STON1: variants seen among roughly 807,000 people sequenced by gnomAD.
STON1 encodes stonin-1.
STON1 carries 79 observed loss-of-function variants against 60.9 expected under a neutral mutation model. The observed-to-expected ratio is 1.30, with a 90% CI of 1.08 to 1.56. STON1 has a LOEUF of 1.56. Among genes scored for constraint, STON1 ranks in the 40% most tolerant of loss-of-function variants. The pLI is 0.00. For synonymous variants in STON1, 363 were observed against 306.9 expected (o/e 1.18, Z -1.91); for missense variants, 1,166 against 858.9 (o/e 1.36, Z -4.47).
intron 1 of STON1, among the ~76,000 whole-genome samples, chr2:48,564,473 CTTCTTCTTTCTT>C (rs1672778411): frequency 1.5e-4 from 8 of 51,712 alleles, no homozygotes; most frequent in African/African-American, 4.6e-4. Context: ...TCTTCTTCTT[CTTCTTCTTTCTT>C]CTTCTTCTTC....
intron 1 of STON1, among the ~76,000 whole-genome samples, chr2:48,532,085 T>C (rs1558558754): frequency 1.3e-5 from 2 of 152,038 alleles, no homozygotes; most frequent in Non-Finnish European, 2.9e-5. Context: ...ACGGGGTTCA[T>C]GCCTATAATC....
rs1355073587 is a variant in STON1 at position 48,581,048 on chromosome 2, G to A, written c.415G>A (p.Asp139Asn). ...TCLSHALLPS[D>N]HSCTHPTPKV... is the part of the protein sequence containing the mutation. ...TTTATCCCATGCCTTGTTACCCAGT[G>A]ACCACTCATGTACACATCCAACTCC... The change falls in exon 2 of 4, where the codon GAC (aspartate) becomes AAC (asparagine). Residue 139 changes from aspartate to asparagine, a missense_variant. By Grantham distance (23) the Asp-to-Asn change is conservative. Transcript: ENST00000404752. The A allele has an allele frequency of 1.3e-6, 2 of 1,582,142 alleles. No homozygotes were observed. The highest frequency in any genetic ancestry group is 1.7e-4 in the Middle Eastern group (1 of 5,886).
intron 1 of STON1, among the ~76,000 whole-genome samples, chr2:48,553,227 A>C (rs1672174505): frequency 2.0e-5 from 3 of 152,148 alleles, no homozygotes; most frequent in African/African-American, 7.2e-5. Flanking sequence ...GAGGGGCAAG[A>C]TGACATTTCA....
At chr2:48,564,405 G>GTCTTCTTCTTCTTCTTCCTCTTCT (rs1553359256) in intron 1 of STON1, among the ~76,000 whole-genome samples, 110 of 83,038 alleles carry the variant, frequency 1.3e-3, no homozygotes, top group Admixed American at 1.0e-3. Context: ...CAGTGGCGGT[G>GTCTTCTTCTTCTTCTTCCTCTTCT]TCTTCTTCTT....
At chr2:48,554,474 C>T (rs141055140) in intron 1 of STON1, among the ~76,000 whole-genome samples, 2,079 of 152,238 alleles carry the variant, frequency 0.014, 26 homozygotes, top group African/African-American at 0.026. Flanking sequence ...CTGCCTGCCT[C>T]GGCCTCCCAA....
At chr2:48,540,603 C>T (rs916658094) in intron 1 of STON1, among the ~76,000 whole-genome samples, 1 of 152,206 alleles carries the variant, frequency 6.6e-6, no homozygotes, top group African/African-American at 2.4e-5. Flanking sequence ...GTATCTTTCG[C>T]AGTATTCTTT....
At chr2:48,558,650 C>T (rs910149948) in intron 1 of STON1, among the ~76,000 whole-genome samples, 36 of 152,106 alleles carry the variant, frequency 2.4e-4, no homozygotes, top group Non-Finnish European at 4.4e-5. Flanking sequence ...CGTTAACTGG[C>T]ACATAACTCA....
At chr2:48,564,480 T>TTCTTCTTCCTTC (rs1558604783) in intron 1 of STON1, among the ~76,000 whole-genome samples, 2 of 32,480 alleles carry the variant, frequency 6.2e-5, no homozygotes, top group African/African-American at 1.2e-4. Context: ...CTTCTTCTTC[T>TTCTTCTTCCTTC]TTCTTCTTCT....
intron 1 of STON1, among the ~76,000 whole-genome samples, chr2:48,539,837 C>G (rs1375692139): frequency 6.6e-6 from 1 of 152,064 alleles, no homozygotes; most frequent in East Asian, 1.9e-4. Flanking sequence ...ATTTTCTACT[C>G]TTTGCCCAAG....
At chr2:48,578,549 TCTCCTCCTTCTCCTC>T (rs1249181378) in intron 1 of STON1, among the ~76,000 whole-genome samples, 1 of 140,982 alleles carries the variant, frequency 7.1e-6, no homozygotes, top group South Asian at 2.4e-4. Context: ...TTCTCCTCCT[TCTCCTCCTTCTCCTC>T]CTCCTCCTCC....
rs773560392 is a variant in STON1 at position 48,581,442 on chromosome 2, G to A, written c.809G>A (p.Ser270Asn). Residue 270 changes from serine to asparagine, a missense_variant, in exon 2 of 4, where the codon AGT becomes AAT. Transcript: ENST00000404752. ...TTTGTCCCCCACACACTCTTCAGGA[G>A]TCAGCCAAAATCCGGATGGTCTTTC... ...SSFVPHTLFR[S>N]QPKSGWSFML... 1 of 1,614,198 alleles carries A rather than the reference G, an allele frequency of 6.2e-7. No homozygotes were observed. The highest frequency in any genetic ancestry group is 1.1e-5 in the South Asian group (1 of 91,086).
At chr2:48,530,854 G>A (rs1671182733) in intron 1 of STON1, 1 of 152,276 alleles carries the variant, frequency 6.6e-6, no homozygotes, top group African/African-American at 2.4e-5. Flanking sequence ...TGGGTATTGG[G>A]GTTGGGTCCC....
intron 1 of STON1, among the ~76,000 whole-genome samples, chr2:48,572,403 G>T (rs1673259499): frequency 6.6e-6 from 1 of 152,088 alleles, no homozygotes; most frequent in Admixed American, 6.6e-5. Context: ...AGTCCTGGAC[G>T]GGGGTGAAAG....
intron 1 of STON1, among the ~76,000 whole-genome samples, chr2:48,557,021 G>T (rs1243125093): frequency 1.1e-5 from 1 of 93,160 alleles, no homozygotes; most frequent in Admixed American, 1.0e-4. Flanking sequence ...CGGGCGGGGG[G>T]GCTGACCCCC....
At chr2:48,549,097 G>A (rs1466358625) in intron 1 of STON1, among the ~76,000 whole-genome samples, 1 of 152,176 alleles carries the variant, frequency 6.6e-6, no homozygotes, top group Non-Finnish European at 1.5e-5. Context: ...GAGTCACAAA[G>A]AACAGCAAGC....
rs927564012 is a variant in STON1, at chr2:48,596,225, C to T, written c.*923C>T. On this transcript the variant is annotated 3_prime_UTR_variant, in exon 4 of 4. Coordinates refer to ENST00000404752, the MANE Select transcript of STON1 (RefSeq NM_006873.4). ...ACATTATGATTATTTTATACTAGTT[C>T]TGCTATCATGCTGTTTTATGCTAAT... 6.6e-6 allele frequency: 1 copy of T among 152,130 alleles called. No individual in the cohort carries two copies. Among genetic ancestry groups the T allele is most frequent in the South Asian group, 2.1e-4 (1 of 4,832 alleles). 9.4% of individuals were successfully genotyped at this position (152,130 alleles called of 1,614,324 possible).
At chr2:48,593,987 G>A (rs1366890216) in intron 3 of STON1, among the ~76,000 whole-genome samples, 1 of 152,184 alleles carries the variant, frequency 6.6e-6, no homozygotes, top group South Asian at 2.1e-4. Flanking sequence ...CTATGCAGGG[G>A]TGTATAGGCC....
At position 48,582,235 on chromosome 2, in the gene STON1, G is replaced by C. The variant is rs148712135; in HGVS notation, c.1602G>C (p.Val534=). The change falls in exon 2 of 4, where the codon GTG becomes GTC. Residue 534 remains valine (V), a synonymous_variant. Transcript: ENST00000404752. ...DNLPFSLKSV[V]VVQGAYVELQ... Reference sequence around the variant, plus strand: ...TTCCCTTTTCCTTGAAGTCTGTAGTGGTTGTCCAGGGAGCATACGTGGAAC... The same window carrying C: ...TTCCCTTTTCCTTGAAGTCTGTAGTCGTTGTCCAGGGAGCATACGTGGAAC... 59 of 1,614,200 alleles carry C rather than the reference G, an allele frequency of 3.7e-5. No individual in the cohort carries two copies. In the African/African-American group the frequency reaches 6.8e-4, roughly 19 times the overall value.
intron 1 of STON1, chr2:48,530,930 T>C (rs1012874767): frequency 2.6e-5 from 4 of 152,392 alleles, no homozygotes; most frequent in Admixed American, 1.3e-4. Flanking sequence ...CTTAGGATTG[T>C]ACTGCTTCTG....
Sources: gnomAD v4.1 joint callset for allele counts (sites outside exome capture counted in the v4.1 genomes callset) on GRCh38, gnomAD v4.1.1 for gene constraint, MANE v1.5 for transcripts, NCBI Gene and HGNC (gene_info 2026-07-23, HGNC 2026-07-21) for gene names.